MMP17: variants seen among roughly 807,000 people sequenced by gnomAD.
MMP17 encodes the protein matrix metalloproteinase-17.
Under a neutral mutation model 49.1 loss-of-function variants are expected in MMP17, and 54 were observed. The ratio of observed to expected loss-of-function variants is 1.10; its 90% CI spans 0.88 to 1.38. The LOEUF is 1.38. Among genes scored for constraint, MMP17 ranks in the 40% most tolerant of loss-of-function variants. MMP17 has a pLI of 0.00. For missense variants in MMP17, 837 were observed against 853.7 expected (o/e 0.98, Z 0.24); for synonymous variants, 397 against 383.1 (o/e 1.04, Z -0.42).
chr12:131,847,787 G>C (rs1466541056), intron 8 of MMP17, among the ~76,000 whole-genome samples: 3 of 152,246 alleles, frequency 2.0e-5, no homozygotes, highest in Non-Finnish European at 4.4e-5. Flanking sequence ...CTACCATAAA[G>C]CCCCATTTCT....
chr12:131,834,427 C>T (rs1458343984), intron 1 of MMP17, among the ~76,000 whole-genome samples: 9 of 152,178 alleles, frequency 5.9e-5, no homozygotes, highest in South Asian at 4.1e-4. Flanking sequence ...GACCAGGCGG[C>T]GGGTGGGCGT....
chr12:131,832,499 G>A (rs1216906634), intron 1 of MMP17, among the ~76,000 whole-genome samples: 1 of 152,080 alleles, frequency 6.6e-6, no homozygotes, highest in African/African-American at 2.4e-5. Flanking sequence ...TTGCCTCCTT[G>A]TTGGCAGCAG....
intron 1 of MMP17, among the ~76,000 whole-genome samples, chr12:131,831,310 C>A (rs1220352814): frequency 6.6e-6 from 1 of 151,342 alleles, no homozygotes; most frequent in Non-Finnish European, 1.5e-5. Flanking sequence ...ACCGCGCCCA[C>A]GGCACAGTGG....
chr12:131,838,590 G>T (rs1887207119), intron 2 of MMP17, 22 bp from the exon 3 acceptor site: 3 of 1,604,100 alleles, frequency 1.9e-6, no homozygotes, highest in African/African-American at 2.7e-5. Context: ...GCTAGGCTCT[G>T]AGCTCCATGC....
chr12:131,838,282 A>G lies in MMP17; in HGVS notation c.247A>G (p.Thr83Ala). 1 of 1,613,252 alleles carries G rather than the reference A, an allele frequency of 6.2e-7. No homozygotes were observed. The highest frequency in any genetic ancestry group is 8.5e-7 in the Non-Finnish European group (1 of 1,179,984). Reference protein sequence around the residue: ...QTQEELSKAITAMQQFGGLEA... With the variant: ...QTQEELSKAIAAMQQFGGLEA... ...GCAAGAGGAGCTGTCTAAGGCCATC[A>G]CAGCCATGCAGCAGTTTGGTGGCCT... is the stretch of plus-strand genomic sequence containing the variant. Residue 83 changes from threonine (T) to alanine (A), a missense_variant, in exon 2 of 10, where the codon ACA becomes GCA. Thr to Ala is a moderately conservative substitution (Grantham distance 58). Transcript: ENST00000360564.
intron 1 of MMP17, among the ~76,000 whole-genome samples, chr12:131,836,676 GAA>G (rs34111977): frequency 1.2e-4 from 18 of 148,050 alleles, no homozygotes; most frequent in East Asian, 2.0e-4. Flanking sequence ...AATGTCCAGA[GAA>G]AAAAAAAAAG....
chr12:131,835,308 T>A (rs1887026783), intron 1 of MMP17, among the ~76,000 whole-genome samples: 1 of 152,252 alleles, frequency 6.6e-6, no homozygotes, highest in South Asian at 2.1e-4. Flanking sequence ...CGGGGCTGCC[T>A]GTCCCGGGCT....
chr12:131,850,522 A>G (rs1004197819), intron 9 of MMP17, among the ~76,000 whole-genome samples: 1 of 152,182 alleles, frequency 6.6e-6, no homozygotes, highest in Non-Finnish European at 1.5e-5. Context: ...TCAACGCTGC[A>G]TCCTTGTCAC....
intron 8 of MMP17, among the ~76,000 whole-genome samples, chr12:131,847,307 G>C (rs1471467952): frequency 2.0e-5 from 3 of 151,654 alleles, no homozygotes; most frequent in African/African-American, 7.3e-5. Flanking sequence ...CAGCTACTCG[G>C]GAGGCTGAGG....
At chr12:131,844,723 T>G (rs1887603458) in intron 6 of MMP17, 1 of 269,842 alleles carries the variant, frequency 3.7e-6, no homozygotes, top group Non-Finnish European at 7.3e-6. Flanking sequence ...TCCCTGACCT[T>G]CTGTCGCTAC....
intron 1 of MMP17, among the ~76,000 whole-genome samples, chr12:131,832,739 C>A (rs1464286271): frequency 6.6e-6 from 1 of 152,060 alleles, no homozygotes; most frequent in Non-Finnish European, 1.5e-5. Flanking sequence ...GTGGACCCTG[C>A]AGTAATAAGC....
chr12:131,838,828 G>C, intron 3 of MMP17, 87 bp downstream of exon 3: 1 of 1,466,416 alleles, frequency 6.8e-7, no homozygotes. Flanking sequence ...GTGGAGGTGG[G>C]CGCGTGGCCA....
intron 1 of MMP17, among the ~76,000 whole-genome samples, chr12:131,834,632 G>A (rs965372312): frequency 6.6e-6 from 1 of 152,066 alleles, no homozygotes; most frequent in African/African-American, 2.4e-5. Flanking sequence ...CAGGGTAGAG[G>A]CCTGGCGGGA....
rs768031584 is a variant in MMP17 at position 131,844,081 on chromosome 12, C to A, written c.968C>A (p.Pro323Gln). ...CCCCCAGACAACCGGTCCAGCGCCC[C>A]GTAAGCCCTGGGCCCACGGTCACCA... ...PEPPDNRSSA[P>Q]PRKDVPHRCS... Residue 323 changes from proline to glutamine, a missense_variant and splice_region_variant, in exon 6 of 10, where the codon CCG becomes CAG. Pro to Gln is a moderately conservative substitution (Grantham distance 76, BLOSUM62 -1). Transcript: ENST00000360564. The A allele has an allele frequency of 6.4e-7, 1 of 1,555,694 alleles. No individual in the cohort carries two copies. The highest frequency in any genetic ancestry group is 8.7e-7 in the Non-Finnish European group (1 of 1,153,484).
chr12:131,850,293 G>A (rs896916192), intron 9 of MMP17, among the ~76,000 whole-genome samples: 4 of 151,970 alleles, frequency 2.6e-5, no homozygotes, highest in Non-Finnish European at 4.4e-5. Flanking sequence ...GCACTCCCTC[G>A]CCCCTGCTGC....
intron 5 of MMP17, among the ~76,000 whole-genome samples, chr12:131,842,071 A>G (rs1005989663): frequency 2.0e-5 from 3 of 152,182 alleles, no homozygotes; most frequent in Admixed American, 6.5e-5. Flanking sequence ...TGCAAATCAC[A>G]TTGCACGTCT....
In MMP17 at chr12:131,849,891, G is replaced by A. The variant is rs749455826; in HGVS notation, c.1294G>A (p.Asp432Asn). 2.1e-5 allele frequency: 34 copies of A among 1,613,952 alleles called. No individual in the cohort carries two copies. The highest frequency in any genetic ancestry group is 4.5e-5 in the East Asian group (2 of 44,896). The change falls in exon 9 of 10, where the codon GAC becomes AAC. Residue 432 changes from aspartate to asparagine, a missense_variant. Physicochemically the swap from Asp to Asn is conservative, Grantham distance 23 (BLOSUM62 1). Coordinates refer to ENST00000360564, the MANE Select transcript of MMP17 (RefSeq NM_016155.7). The part of the protein sequence containing the change: ...SDFSLPPGGI[D>N]AAFSWAHNDR... ...CTTCAGCCTCCCGCCTGGCGGCATC[G>A]ACGCTGCCTTCTCCTGGGCCCACAA...
chr12:131,829,252 G>A (rs1219806743), intron 1 of MMP17, among the ~76,000 whole-genome samples: 1 of 152,170 alleles, frequency 6.6e-6, no homozygotes, highest in African/African-American at 2.4e-5. Context: ...GGCTGGCCCT[G>A]CCTTGCCCTG....
chr12:131,837,243 A>C (rs185505097), intron 1 of MMP17, among the ~76,000 whole-genome samples: 46 of 152,328 alleles, frequency 3.0e-4, no homozygotes, highest in African/African-American at 1.0e-3. Flanking sequence ...CCCCAGGCAC[A>C]CAGCGGGGAG....
Sources: gnomAD v4.1 joint callset for allele counts (sites outside exome capture counted in the v4.1 genomes callset) on GRCh38, gnomAD v4.1.1 for gene constraint, MANE v1.5 for transcripts, NCBI Gene and HGNC (gene_info 2026-07-23, HGNC 2026-07-21) for gene names.